Variants in ATP13A2 observed in about 807,000 individuals in gnomAD.
ATP13A2 encodes polyamine-transporting ATPase 13A2.
ATP13A2 carries 83 observed loss-of-function variants against 138.3 expected under a neutral mutation model. The observed-to-expected ratio is 0.60, with a 90% CI of 0.50 to 0.72. The LOEUF is 0.72. ATP13A2 is among the 30% of genes least tolerant of loss of function. The pLI is 0.00. For missense variants in ATP13A2, 1,402 were observed against 1,606.4 expected, an observed-to-expected ratio of 0.87 and a Z score of 2.17; for synonymous variants, 663 against 699.0, an observed-to-expected ratio of 0.95 and a Z score of 0.81.
rs753840691 is a variant in ATP13A2, at chr1:17,004,849, G to C, written c.348-28C>G. On this transcript the variant is annotated intron_variant, in intron 4 of 28. Transcript: ENST00000326735. This position sits in a 1 kb window ranked among gnomAD's most constrained non-coding sequence, Gnocchi z 4.1. ...GGGGAAGCAGGTGAGGGTTACTCTCGAGCTCTGGGAGCTGCCCTGGCACCT... is the reference window on the plus strand; with the variant it reads ...GGGGAAGCAGGTGAGGGTTACTCTCCAGCTCTGGGAGCTGCCCTGGCACCT... 1.2e-6 allele frequency: 2 copies of C among 1,613,574 alleles called. No individual in the cohort carries two copies. The highest frequency in any genetic ancestry group is 1.1e-5 in the South Asian group (1 of 91,068).
At chr1:16,994,384 T>G (rs1015283298) in intron 15 of ATP13A2, among the ~76,000 whole-genome samples, 4 of 150,394 alleles carry the variant, frequency 2.7e-5, no homozygotes, top group Non-Finnish European at 5.9e-5. Flanking sequence ...AGGCACGCGC[T>G]ACCTCGCCCA....
chr1:16,989,636 A>G lies in ATP13A2; in HGVS notation c.2609+55T>C, dbSNP rs1045067591. The stretch of plus-strand genomic sequence containing the variant: ...TGGGGAAGGACAGATGAACAGACGA[A>G]CGGACAAGCTCAGTCTCCGCAGGCC... On this transcript the variant is annotated intron_variant, in intron 23 of 28. Transcript: ENST00000326735. 3.2e-6 allele frequency: 5 copies of G among 1,575,268 alleles called. No homozygotes were observed. The African/African-American group carries it at 6.7e-5, about 21-fold the overall frequency.
intron 16 of ATP13A2, among the ~76,000 whole-genome samples, chr1:16,992,998 C>A (rs1384889740): frequency 6.6e-6 from 1 of 151,524 alleles, no homozygotes; most frequent in Non-Finnish European, 1.5e-5. Context: ...TTACTGCAAC[C>A]TCTGCCTCCC....
Position 17,004,189 on chromosome 1 carries a change from G to A in ATP13A2, c.557+143C>T. 1 of 808,798 alleles carries A rather than the reference G, an allele frequency of 1.2e-6. No homozygotes were observed. The highest frequency in any genetic ancestry group is 2.1e-6 in the Non-Finnish European group (1 of 473,046). 50.1% of individuals were successfully genotyped at this position (808,798 alleles called of 1,614,324 possible). A position where few individuals can be genotyped will look rare whatever the true frequency, so the allele number is the denominator to read the frequency against. The stretch of plus-strand genomic sequence containing the variant: ...TATAGACAGAGATCCCAGGCCTGGA[G>A]GGGCTCAGTAACCTGCCCAAGGTTT... On this transcript the variant is annotated intron_variant, in intron 6 of 28. Coordinates refer to ENST00000326735, the MANE Select transcript of ATP13A2 (RefSeq NM_022089.4). The surrounding 1 kb of genome is among the most constrained non-coding windows in gnomAD (Gnocchi z 4.1).
intron 8 of ATP13A2, 76 bp from the exon 9 acceptor site, chr1:17,000,610 C>G: frequency 6.4e-7 from 1 of 1,559,456 alleles, no homozygotes; most frequent in Non-Finnish European, 8.7e-7. Flanking sequence ...TCTCCTGTGC[C>G]CATGGGAGCA....
intron 16 of ATP13A2, 86 bp downstream of exon 16, chr1:16,993,543 C>G: frequency 7.5e-7 from 1 of 1,331,124 alleles, no homozygotes; most frequent in Non-Finnish European, 1.0e-6. Flanking sequence ...AAGAGACCAC[C>G]CTGAAAGATG....
At chr1:16,990,752 C>T (rs1268749617) in intron 20 of ATP13A2, among the ~76,000 whole-genome samples, 1 of 152,160 alleles carries the variant, frequency 6.6e-6, no homozygotes, top group Non-Finnish European at 1.5e-5. Context: ...GAACTCCTGG[C>T]CTCAGGTGAT....
At chr1:16,997,416 G>GGGGT (rs1553169140) in intron 11 of ATP13A2, among the ~76,000 whole-genome samples, 1 of 143,872 alleles carries the variant, frequency 7.0e-6, no homozygotes, top group African/African-American at 2.5e-5. Context: ...GGAACCAGCG[G>GGGGT]GGGGGGGTGG....
intron 3 of ATP13A2, 107 bp from the exon 4 acceptor site, chr1:17,005,179 G>A (rs2077505574): frequency 6.5e-7 from 1 of 1,537,654 alleles, no homozygotes; most frequent in African/African-American, 1.4e-5. Flanking sequence ...TCAAGGCTAT[G>A]GAGAGCCCTC....
chr1:16,986,360 T>C lies in ATP13A2; in HGVS notation c.3406-2A>G. On this transcript the variant is annotated splice_acceptor_variant, in intron 28 of 28. Coordinates refer to ENST00000326735, the MANE Select transcript of ATP13A2 (RefSeq NM_022089.4). LOFTEE classifies it high-confidence loss of function. This position sits in a 1 kb window ranked among gnomAD's most constrained non-coding sequence, Gnocchi z 6.9. ...GGGGAGGCACTGGTCTAGCACGCTC[T>C]GCAAAGGGCAGGGAGGGTGTCAGGG... The C allele has an allele frequency of 6.3e-7, 1 of 1,581,836 alleles. No homozygotes were observed. The highest frequency in any genetic ancestry group is 8.6e-7 in the Non-Finnish European group (1 of 1,166,654).
rs1335403183 is a variant in ATP13A2, at chr1:16,989,760, T to C, written c.2540A>G (p.Gln847Arg). 1 of 1,614,014 alleles carries C rather than the reference T, an allele frequency of 6.2e-7. No homozygotes were observed. The highest frequency in any genetic ancestry group is 8.5e-7 in the Non-Finnish European group (1 of 1,180,022). ...FPKLLPKVLV[Q>R]GTVFARMAPE... Reference sequence around the variant, plus strand: ...GGCCATGCGGGCAAAGACAGTGCCCTGGACCAGGACCTGGGAGCACAGGGA... The same window carrying C: ...GGCCATGCGGGCAAAGACAGTGCCCCGGACCAGGACCTGGGAGCACAGGGA... Residue 847 changes from glutamine to arginine, a missense_variant, in exon 23 of 29, where the codon CAG becomes CGG. By Grantham distance (43) the Gln-to-Arg change is conservative. Coordinates refer to ENST00000326735, the MANE Select transcript of ATP13A2 (RefSeq NM_022089.4).
At chr1:17,002,521 C>T in intron 6 of ATP13A2, 148 bp from the exon 7 acceptor site, 1 of 946,664 alleles carries the variant, frequency 1.1e-6, no homozygotes, top group East Asian at 2.6e-5. Context: ...CCCCCTTGAA[C>T]CCAAGGCTTG....
At position 17,000,469 on chromosome 1, in the gene ATP13A2, G is replaced by A. The variant is rs747285065; in HGVS notation, c.771C>T (p.Tyr257=). ...TGAGGAAGATGCACAGGGCGTACCAGTAGTAGTGGTCAGCCAGCCACAGCG... is the reference window on the plus strand; with the variant it reads ...TGAGGAAGATGCACAGGGCGTACCAATAGTAGTGGTCAGCCAGCCACAGCG... ...SIALWLADHY[Y]WYALCIFLIS... The change falls in exon 9 of 29, where the codon TAC becomes TAT. Residue 257 remains tyrosine (Y), a synonymous_variant. Coordinates refer to ENST00000326735, the MANE Select transcript of ATP13A2 (RefSeq NM_022089.4). 1.9e-6 allele frequency: 3 copies of A among 1,614,082 alleles called. No individual in the cohort carries two copies. Among genetic ancestry groups the A allele is most frequent in the Admixed American group, 3.3e-5 (2 of 60,018 alleles).
At chr1:17,006,098 G>A (rs1043924066) in intron 1 of ATP13A2, among the ~76,000 whole-genome samples, 1 of 151,988 alleles carries the variant, frequency 6.6e-6, no homozygotes, top group East Asian at 2.0e-4. Flanking sequence ...TCACACCACT[G>A]CACCCCTGCC....
chr1:16,993,820 CA>C lies in ATP13A2; in HGVS notation c.1557del (p.Glu520ArgfsTer4). The C allele has an allele frequency of 6.4e-7, 1 of 1,565,210 alleles. No homozygotes were observed. Among genetic ancestry groups the C allele is most frequent in the Non-Finnish European group, 8.7e-7 (1 of 1,155,310 alleles). On this transcript the variant is annotated frameshift_variant, in exon 16 of 29. Transcript: ENST00000326735. LOFTEE classifies it high-confidence loss of function. ...LVCFDKTGTL[T>X]EDGLDVMGVV... ...ACCCCCATCACGTCTAAGCCGTCCT[CA>C]GTGAGGGTGCCCGTCTGTGGGAGAC... is the stretch of plus-strand genomic sequence containing the variant.
rs770536216 is a variant in ATP13A2, at chr1:17,004,984, T to C, written c.347+30A>G. ...TTGGGGAGGCCAGGGTAGCAGGGGCTTCTGGGAAGGGGCAATGGGGCTGCC... is the reference window on the plus strand; with the variant it reads ...TTGGGGAGGCCAGGGTAGCAGGGGCCTCTGGGAAGGGGCAATGGGGCTGCC... On this transcript the variant is annotated intron_variant, in intron 4 of 28. Coordinates refer to ENST00000326735, the MANE Select transcript of ATP13A2 (RefSeq NM_022089.4). The surrounding 1 kb of genome is among the most constrained non-coding windows in gnomAD (Gnocchi z 4.1). 3.1e-6 allele frequency: 5 copies of C among 1,613,380 alleles called. No homozygotes were observed. The South Asian group carries it at 5.5e-5, about 18-fold the overall frequency.
chr1:17,003,285 C>A (rs893396277), intron 6 of ATP13A2, among the ~76,000 whole-genome samples: 1 of 152,094 alleles, frequency 6.6e-6, no homozygotes, highest in Non-Finnish European at 1.5e-5. Flanking sequence ...GAGCAGGGCC[C>A]GGTGGCTCAT....
At chr1:16,997,421 GGGT>G (rs1054458186) in intron 11 of ATP13A2, among the ~76,000 whole-genome samples, 3 of 131,860 alleles carry the variant, frequency 2.3e-5, no homozygotes, top group African/African-American at 9.0e-5. Flanking sequence ...CAGCGGGGGG[GGGT>G]GGGTCAGACA....
rs891022789 is a variant in ATP13A2, at chr1:16,997,079, A to G, written c.1136T>C (p.Leu379Pro). 6.2e-7 allele frequency: 1 copy of G among 1,613,476 alleles called. No individual in the cohort carries two copies. The highest frequency in any genetic ancestry group is 8.5e-7 in the Non-Finnish European group (1 of 1,179,990). ...CACATAGGCCCGGGCCTGCAAGATGAGGGTCCCGCAGAAGAGTGTGTGCCG... is the reference window on the plus strand; with the variant it reads ...CACATAGGCCCGGGCCTGCAAGATGGGGGTCCCGCAGAAGAGTGTGTGCCG... ...HRRHTLFCGT[L>P]ILQARAYVGP... is the part of the protein sequence containing the mutation. The change falls in exon 12 of 29, where the codon CTC (leucine) becomes CCC (proline). Residue 379 changes from leucine to proline, a missense_variant. Leu to Pro is a moderately conservative substitution (Grantham distance 98, BLOSUM62 -3). Coordinates refer to ENST00000326735, the MANE Select transcript of ATP13A2 (RefSeq NM_022089.4).
Sources: allele counts gnomAD v4.1 joint callset (sites outside exome capture counted in the v4.1 genomes callset), GRCh38; gene constraint gnomAD v4.1.1; non-coding constraint Gnocchi (gnomAD v3.1); transcripts MANE v1.5; gene names NCBI Gene and HGNC (gene_info 2026-07-23, HGNC 2026-07-21).